Variants in FER1L6 observed in about 807,000 individuals in gnomAD.
FER1L6 encodes the protein fer-1 like family member 6.
In FER1L6, 177 loss-of-function variants were observed where a neutral mutation model predicts 219.2. That is an observed-to-expected ratio of 0.81 (90% CI 0.71 to 0.91). The LOEUF is 0.91. Among genes scored for constraint, FER1L6 ranks in the 40% least tolerant of loss-of-function variants. The pLI, the probability that FER1L6 is intolerant of heterozygous loss-of-function variation, is 0.00. For synonymous variants in FER1L6, 768 were observed against 824.3 expected (o/e 0.93, Z 1.17); for missense variants, 2,153 against 2,259.9 (o/e 0.95, Z 0.96).
chr8:123,928,379 C>A (rs932457739), intron 1 of FER1L6, among the ~76,000 whole-genome samples: 1 of 152,178 alleles, frequency 6.6e-6, no homozygotes, highest in African/African-American at 2.4e-5. Context: ...CTCCACCAAC[C>A]AGATGGCTTG....
chr8:123,918,910 G>A (rs1813274057), intron 1 of FER1L6, among the ~76,000 whole-genome samples: 1 of 152,082 alleles, frequency 6.6e-6, no homozygotes, highest in South Asian at 2.1e-4. Context: ...GGGGTATGGA[G>A]GAAAACACAC....
At chr8:123,983,962 A>C (rs1411574945) in intron 11 of FER1L6, among the ~76,000 whole-genome samples, 1 of 152,188 alleles carries the variant, frequency 6.6e-6, no homozygotes, top group Non-Finnish European at 1.5e-5. Context: ...AAAATTCTTA[A>C]TACCATATCT....
At chr8:123,935,080 G>T (rs1210826062) in intron 1 of FER1L6, among the ~76,000 whole-genome samples, 2 of 152,148 alleles carry the variant, frequency 1.3e-5, no homozygotes, top group South Asian at 4.1e-4. Context: ...CTTCATTGAT[G>T]ATTCTTAGCT....
intron 1 of FER1L6, among the ~76,000 whole-genome samples, chr8:123,938,641 G>A (rs1182067169): frequency 2.0e-5 from 3 of 150,670 alleles, no homozygotes; most frequent in Non-Finnish European, 4.4e-5. Context: ...CCACCTCCCG[G>A]GTTTATGCAA....
chr8:123,889,719 A>G (rs1427407299), intron 1 of FER1L6, among the ~76,000 whole-genome samples: 1 of 152,148 alleles, frequency 6.6e-6, no homozygotes, highest in Non-Finnish European at 1.5e-5. Flanking sequence ...AATTTAAATT[A>G]TAGACTTGAG....
At chr8:123,886,410 A>G (rs1183343535) in intron 1 of FER1L6, among the ~76,000 whole-genome samples, 4 of 152,154 alleles carry the variant, frequency 2.6e-5, no homozygotes, top group East Asian at 1.9e-4. Flanking sequence ...GAGTTGTTAT[A>G]AAGGATGGAA....
chr8:124,053,962 C>T (rs967932691), intron 22 of FER1L6, among the ~76,000 whole-genome samples: 1 of 152,160 alleles, frequency 6.6e-6, no homozygotes, highest in African/African-American at 2.4e-5. Context: ...CCCCGTCCTC[C>T]CTATCCTGAC....
At chr8:124,086,764 A>G (rs892388712) in intron 33 of FER1L6, among the ~76,000 whole-genome samples, 9 of 152,182 alleles carry the variant, frequency 5.9e-5, no homozygotes, top group African/African-American at 2.2e-4. Flanking sequence ...AGCATTTCTT[A>G]TAGGACAGGT....
intron 16 of FER1L6, among the ~76,000 whole-genome samples, chr8:124,018,665 C>CT (rs540264983): frequency 1.3e-5 from 2 of 152,130 alleles, no homozygotes; most frequent in South Asian, 4.1e-4. Context: ...ATTTCAATAT[C>CT]TTTTTTTAGT....
intron 1 of FER1L6, among the ~76,000 whole-genome samples, chr8:123,878,268 A>G (rs1256454289): frequency 6.6e-6 from 1 of 152,214 alleles, no homozygotes; most frequent in East Asian, 1.9e-4. Flanking sequence ...GACTCATTGG[A>G]GACATTTTTG....
rs142915201 is a variant in FER1L6 at position 123,905,231 on chromosome 8, T to C, written c.-7-50761T>C. Among the ~76,000 whole-genome samples, 6 of 152,268 alleles carry C rather than the reference T, an allele frequency of 3.9e-5. No individual in the cohort carries two copies. The East Asian group carries it at 1.2e-3, about 29-fold the overall frequency. On this transcript the variant is annotated intron_variant, in intron 1 of 40. Transcript: ENST00000522917. The stretch of plus-strand genomic sequence containing the variant: ...GCATTATCTATTTATCCTGATACTC[T>C]CCCTCCCCCCAACACCCCTGGCAGG...
chr8:123,954,224 C>A (rs916196690), intron 1 of FER1L6, among the ~76,000 whole-genome samples: 1 of 152,134 alleles, frequency 6.6e-6, no homozygotes, highest in Admixed American at 6.5e-5. Flanking sequence ...TCTTTCCATC[C>A]TAATGTATCT....
chr8:123,957,010 G>A (rs1815050258), intron 2 of FER1L6, among the ~76,000 whole-genome samples: 1 of 152,340 alleles, frequency 6.6e-6, no homozygotes, highest in South Asian at 2.1e-4. Flanking sequence ...GTCCTCTGGA[G>A]ACTTCTGCTG....
chr8:124,049,672 T>G lies in FER1L6; in HGVS notation c.2790T>G (p.Tyr930Ter), dbSNP rs1819911149. ...TTGTGAAGCTGGCTGACCAGGACTATGAGCCCCCCAGGTTATGCTATCACC... is the reference window on the plus strand; with the variant it reads ...TTGTGAAGCTGGCTGACCAGGACTAGGAGCCCCCCAGGTTATGCTATCACC... ...APVVKLADQD[Y>*]EPPRLCYHPI... The change falls in exon 22 of 41, where the codon TAT (tyrosine) becomes TAG (stop). Residue 930 changes from tyrosine (Y) to a stop codon, truncating the protein, a stop_gained. Coordinates refer to ENST00000522917, the MANE Select transcript of FER1L6 (RefSeq NM_001039112.2). LOFTEE classifies it high-confidence loss of function. 2 of 1,613,984 alleles carry G rather than the reference T, an allele frequency of 1.2e-6. No individual in the cohort carries two copies. The highest frequency in any genetic ancestry group is 1.7e-6 in the Non-Finnish European group (2 of 1,180,014).
At chr8:124,004,115 C>CAAAAAAAAAAAAAAAAA (rs80310802) in intron 13 of FER1L6, 1 of 78,482 alleles carries the variant, frequency 1.3e-5, no homozygotes, top group Non-Finnish European at 2.5e-5. Flanking sequence ...CTGAAAGACT[C>CAAAAAAAAAAAAAAAAA]AAAAAAAAAA....
chr8:124,083,327 C>A (rs1821650437), intron 33 of FER1L6, among the ~76,000 whole-genome samples: 1 of 152,086 alleles, frequency 6.6e-6, no homozygotes, highest in African/African-American at 2.4e-5. Context: ...TGAGAACATG[C>A]AAAGTTTGTC....
rs1255501827 is a variant in FER1L6, at chr8:124,077,637, C to T, written c.4220+1312C>T. ...CAGTGTGACAACCGCTTGGCAGGCA[C>T]TTTTTATGAGCTACTTTCACCACAG... On this transcript the variant is annotated intron_variant, in intron 32 of 40. Coordinates refer to ENST00000522917, the MANE Select transcript of FER1L6 (RefSeq NM_001039112.2). Among the ~76,000 whole-genome samples, 3 of 152,124 alleles carry T rather than the reference C, an allele frequency of 2.0e-5. No individual in the cohort carries two copies. The East Asian group carries it at 5.8e-4, about 29-fold the overall frequency.
chr8:124,049,786 A>G (rs369422008), intron 22 of FER1L6, 30 bp downstream of exon 22: 3 of 1,612,586 alleles, frequency 1.9e-6, no homozygotes, highest in Non-Finnish European at 2.5e-6. Flanking sequence ...CACGAGATCT[A>G]TTAGGTCTAC....
rs1386627690 is a variant in FER1L6, at chr8:124,118,881, A to G, written c.5327A>G (p.Glu1776Gly). 2 of 1,614,028 alleles carry G rather than the reference A, an allele frequency of 1.2e-6. No individual in the cohort carries two copies. Among genetic ancestry groups the G allele is most frequent in the South Asian group, 2.2e-5 (2 of 91,078 alleles). ...VEAEFHLVTA[E>G]EAEKNPVGKA... ...GCTGAGTTCCACCTAGTTACAGCAG[A>G]AGAAGCTGAGAAAAATCCTGTTGGA... The change falls in exon 40 of 41, where the codon GAA (glutamate) becomes GGA (glycine). Residue 1776 changes from glutamate to glycine, a missense_variant. Coordinates refer to ENST00000522917, the MANE Select transcript of FER1L6 (RefSeq NM_001039112.2).
Sources: allele counts gnomAD v4.1 joint callset (sites outside exome capture counted in the v4.1 genomes callset), GRCh38; gene constraint gnomAD v4.1.1; transcripts MANE v1.5; gene names NCBI Gene and HGNC (gene_info 2026-07-23, HGNC 2026-07-21).